The following TRAPPC9 variants were observed in gnomAD, a reference collection of about 807,000 sequenced individuals.
The protein encoded by TRAPPC9 is IKK2 binding protein.
TRAPPC9 carries 83 observed loss-of-function variants against 124.0 expected under a neutral mutation model. The observed-to-expected ratio is 0.67, with a 90% CI of 0.56 to 0.80. TRAPPC9 has a LOEUF of 0.80. Among genes scored for constraint, TRAPPC9 ranks in the 30% least tolerant of loss-of-function variants. The probability of loss-of-function intolerance (pLI) is 0.00; values close to 1 mark genes in which losing one functional copy is unlikely to be tolerated. For synonymous variants in TRAPPC9, 638 were observed against 617.5 expected (o/e 1.03, Z -0.49); for missense variants, 1,302 against 1,508.3 (o/e 0.86, Z 2.27).
chr8:139,740,012 G>A (rs1174444813), intron 21 of TRAPPC9, among the ~76,000 whole-genome samples: 1 of 152,196 alleles, frequency 6.6e-6, no homozygotes, highest in African/African-American at 2.4e-5. Context: ...TAAACCCCTA[G>A]TGCACCATTT....
rs552443129 is a variant in TRAPPC9, at chr8:140,106,746, G to A, written c.2557-82667C>T. Among the ~76,000 whole-genome samples the A allele has an allele frequency of 3.3e-5, 5 of 152,182 alleles. No homozygotes were observed. The East Asian group carries it at 5.8e-4, about 18-fold the overall frequency. On this transcript the variant is annotated intron_variant, in intron 17 of 22. Transcript: ENST00000438773. ...CCCACGAAAAAAAGAGGATAATGCC[G>A]ACCTCAAACGTATTGTTACAAGAAC... is the stretch of plus-strand genomic sequence containing the variant.
rs1035763849 is a variant in TRAPPC9, at chr8:140,149,115, G to A, written c.2556+72344C>T. ...CTAATACATAAGAAAAAGCTTTCCAGGTGGCAGGACAAGCATCCGCGTGCC... is the reference window on the plus strand; with the variant it reads ...CTAATACATAAGAAAAAGCTTTCCAAGTGGCAGGACAAGCATCCGCGTGCC... On this transcript the variant is annotated intron_variant, in intron 17 of 22. Transcript: ENST00000438773. Among the ~76,000 whole-genome samples, 3 of 152,062 alleles carry A rather than the reference G, an allele frequency of 2.0e-5. No homozygotes were observed. The East Asian group carries it at 5.8e-4, about 29-fold the overall frequency.
At chr8:139,959,388 G>A (rs1385747153) in intron 19 of TRAPPC9, among the ~76,000 whole-genome samples, 3 of 152,182 alleles carry the variant, frequency 2.0e-5, no homozygotes, top group African/African-American at 7.2e-5. Context: ...TGGCCTCCAA[G>A]GAAAGCTTGT....
At chr8:140,206,925 G>A (rs1401256620) in intron 17 of TRAPPC9, among the ~76,000 whole-genome samples, 3 of 152,138 alleles carry the variant, frequency 2.0e-5, no homozygotes, top group Non-Finnish European at 4.4e-5. Context: ...CACCCGTCAT[G>A]TGCCAGACAG....
At chr8:140,136,463 C>T (rs1410393398) in intron 17 of TRAPPC9, among the ~76,000 whole-genome samples, 1 of 152,168 alleles carries the variant, frequency 6.6e-6, no homozygotes, top group Admixed American at 6.5e-5. Context: ...TCGGTACCTA[C>T]CCATGGGCAA....
chr8:139,952,506 G>A (rs1431684713), intron 19 of TRAPPC9, among the ~76,000 whole-genome samples: 1 of 152,176 alleles, frequency 6.6e-6, no homozygotes, highest in Non-Finnish European at 1.5e-5. Context: ...GACTGCACAG[G>A]AGCCCGGCAG....
chr8:139,807,606 T>C (rs752815316), intron 21 of TRAPPC9, among the ~76,000 whole-genome samples: 21 of 152,170 alleles, frequency 1.4e-4, no homozygotes, highest in Non-Finnish European at 2.4e-4. Flanking sequence ...GCGGAGGCAC[T>C]GCGGACGAAA....
Position 140,287,554 on chromosome 8 carries a change from T to G in TRAPPC9, c.1981+54A>C, listed in dbSNP as rs1019858381. The G allele has an allele frequency of 3.7e-6, 6 of 1,612,366 alleles. No homozygotes were observed. In the South Asian group the frequency reaches 5.5e-5, roughly 15 times the overall value. On this transcript the variant is annotated intron_variant, in intron 13 of 22. Transcript: ENST00000438773. ...TCGGCTCTGGACCTCATGGAGGCCA[T>G]GCAAGGGTTCAGCAGACCCTCCTGA...
intron 9 of TRAPPC9, among the ~76,000 whole-genome samples, chr8:140,350,343 G>A (rs1290397925): frequency 1.3e-5 from 2 of 152,214 alleles, no homozygotes; most frequent in Non-Finnish European, 1.5e-5. Context: ...TGACCTGCAA[G>A]GTGCAATCAC....
intron 2 of TRAPPC9, among the ~76,000 whole-genome samples, chr8:140,441,874 A>C (rs929513727): frequency 2.5e-4 from 38 of 152,102 alleles, no homozygotes; most frequent in Non-Finnish European, 1.5e-5. Flanking sequence ...CTACAAAAAA[A>C]ATTGTTTTAA....
chr8:139,965,127 A>G (rs1278516034), intron 19 of TRAPPC9, among the ~76,000 whole-genome samples: 1 of 152,194 alleles, frequency 6.6e-6, no homozygotes, highest in Non-Finnish European at 1.5e-5. Context: ...CACAGGGCCC[A>G]GCTGCCTTCC....
At chr8:139,939,304 C>T (rs1193610045) in intron 19 of TRAPPC9, among the ~76,000 whole-genome samples, 1 of 152,180 alleles carries the variant, frequency 6.6e-6, no homozygotes, top group Admixed American at 6.5e-5. Flanking sequence ...GGAGCCAGGG[C>T]CCTGAGGTGA....
intron 11 of TRAPPC9, among the ~76,000 whole-genome samples, chr8:140,294,789 T>G (rs2065759615): frequency 1.3e-5 from 2 of 151,998 alleles, no homozygotes; most frequent in African/African-American, 2.4e-5. Context: ...GTTTGTATTT[T>G]TAGTAGAGAC....
At chr8:139,917,131 T>C (rs1264030952) in intron 19 of TRAPPC9, among the ~76,000 whole-genome samples, 1 of 147,192 alleles carries the variant, frequency 6.8e-6, no homozygotes, top group Non-Finnish European at 1.5e-5. Flanking sequence ...AGATCAATTA[T>C]GGTAAAAAAG....
intron 9 of TRAPPC9, among the ~76,000 whole-genome samples, chr8:140,352,978 T>C (rs2067631463): frequency 6.6e-6 from 1 of 152,174 alleles, no homozygotes; most frequent in Admixed American, 6.5e-5. Flanking sequence ...CAGACATTGT[T>C]AGGCACTTCA....
intron 21 of TRAPPC9, among the ~76,000 whole-genome samples, chr8:139,774,573 C>T (rs1176190385): frequency 6.6e-6 from 1 of 152,192 alleles, no homozygotes; most frequent in Non-Finnish European, 1.5e-5. Flanking sequence ...GTGCCGCGTC[C>T]TCCCTCCCTG....
chr8:139,802,296 C>T (rs1041776156), intron 21 of TRAPPC9, among the ~76,000 whole-genome samples: 2 of 152,306 alleles, frequency 1.3e-5, no homozygotes, highest in Admixed American at 6.5e-5. Flanking sequence ...GCTCTCACAC[C>T]TCCGCTTTGC....
At chr8:139,944,826 T>C (rs1834110441) in intron 19 of TRAPPC9, among the ~76,000 whole-genome samples, 1 of 152,084 alleles carries the variant, frequency 6.6e-6, no homozygotes, top group Non-Finnish European at 1.5e-5. Flanking sequence ...ATTGTTACAA[T>C]AGATTAAAAA....
At chr8:140,088,213 C>T (rs1034002221) in intron 17 of TRAPPC9, among the ~76,000 whole-genome samples, 5 of 152,128 alleles carry the variant, frequency 3.3e-5, no homozygotes, top group Non-Finnish European at 7.3e-5. Flanking sequence ...ATATAAGCTC[C>T]GTGATGGCAG....
Sources: allele counts gnomAD v4.1 joint callset (sites outside exome capture counted in the v4.1 genomes callset), GRCh38; gene constraint gnomAD v4.1.1; transcripts MANE v1.5; gene names NCBI Gene and HGNC (gene_info 2026-07-23, HGNC 2026-07-21).